SH3GL3: variants seen among roughly 807,000 people sequenced by gnomAD.
SH3GL3 encodes the protein endophilin-A3.
Under a neutral mutation model 47.7 loss-of-function variants are expected in SH3GL3, and 33 were observed. That is an observed-to-expected ratio of 0.69 (90% CI 0.52 to 0.92). The LOEUF (loss-of-function observed/expected upper bound fraction) is 0.92. Among genes scored for constraint, SH3GL3 ranks in the 40% least tolerant of loss-of-function variants. The probability of loss-of-function intolerance (pLI) is 0.00; values close to 1 mark genes in which losing one functional copy is unlikely to be tolerated. For missense variants in SH3GL3, 363 were observed against 417.8 expected (o/e 0.87, Z 1.14); for synonymous variants, 155 against 148.8 (o/e 1.04, Z -0.30).
At chr15:83,580,605 G>A (rs1208823757) in intron 6 of SH3GL3, among the ~76,000 whole-genome samples, 1 of 152,258 alleles carries the variant, frequency 6.6e-6, no homozygotes, top group Non-Finnish European at 1.5e-5. Flanking sequence ...TTTAACTGAT[G>A]AGAATGCTTG....
At chr15:83,619,664 A>G (rs1392628641), downstream of SH3GL3, among the ~76,000 whole-genome samples, 23 of 152,212 alleles carry the variant, frequency 1.5e-4, no homozygotes, top group Admixed American at 1.5e-3. Context: ...AAAATACTTT[A>G]CTACTAAAAA....
intron 1 of SH3GL3, among the ~76,000 whole-genome samples, chr15:83,506,772 TG>T (rs2042523166): frequency 6.6e-6 from 1 of 152,124 alleles, no homozygotes; most frequent in African/African-American, 2.4e-5. Flanking sequence ...TAAAATTTTT[TG>T]TTTCTGGTGT....
intron 1 of SH3GL3, among the ~76,000 whole-genome samples, chr15:83,475,044 A>G (rs2151541572): frequency 6.6e-6 from 1 of 151,980 alleles, no homozygotes; most frequent in Admixed American, 6.5e-5. Context: ...GTTATAAGGC[A>G]GATATAATCC....
At chr15:83,567,587 G>A (rs913732190) in intron 3 of SH3GL3, among the ~76,000 whole-genome samples, 6 of 152,222 alleles carry the variant, frequency 3.9e-5, no homozygotes, top group African/African-American at 1.4e-4. Context: ...CACAAGGCTA[G>A]TGTTCACTAG....
intron 3 of SH3GL3, chr15:83,565,559 C>T: frequency 4.8e-6 from 1 of 207,282 alleles, no homozygotes; most frequent in Non-Finnish European, 9.6e-6. Context: ...AAATTCTGCC[C>T]TTGTGTACTA....
intron 3 of SH3GL3, among the ~76,000 whole-genome samples, chr15:83,567,003 T>A (rs1274136469): frequency 6.6e-6 from 1 of 152,184 alleles, no homozygotes; most frequent in Non-Finnish European, 1.5e-5. Flanking sequence ...AGTACAAAAT[T>A]ATTAAAGTAG....
At chr15:83,546,788 C>G (rs941406707) in intron 1 of SH3GL3, among the ~76,000 whole-genome samples, 1 of 152,096 alleles carries the variant, frequency 6.6e-6, no homozygotes, top group African/African-American at 2.4e-5. Context: ...GACACTGGGT[C>G]CTTTCCTTCA....
intron 1 of SH3GL3, among the ~76,000 whole-genome samples, chr15:83,468,061 A>T (rs1013262644): frequency 1.3e-5 from 2 of 152,144 alleles, no homozygotes; most frequent in Admixed American, 6.5e-5. Context: ...CGATCTCCTG[A>T]CCTTGTGATC....
intron 8 of SH3GL3, among the ~76,000 whole-genome samples, chr15:83,616,485 G>A (rs1483136321): frequency 1.3e-5 from 2 of 151,848 alleles, no homozygotes; most frequent in African/African-American, 2.4e-5. Context: ...CTCGTGATCC[G>A]CCCGCCTCAG....
At chr15:83,586,942 G>A (rs1383640743) in intron 6 of SH3GL3, 41 bp from the exon 7 acceptor site, 5 of 1,113,304 alleles carry the variant, frequency 4.5e-6, no homozygotes, top group African/African-American at 1.5e-5. Context: ...ACATTACACA[G>A]GCTCGGGCCT....
Position 83,559,300 on chromosome 15 carries a change from T to C in SH3GL3, c.93T>C (p.Asp31=), listed in dbSNP as rs779686960. Reference sequence around the variant, plus strand: ...GTGCTGAAGGAACTAAACTAGACGATGAATTTCTTGACATGGAAAGGGTAA... The same window carrying C: ...GTGCTGAAGGAACTAAACTAGACGACGAATTTCTTGACATGGAAAGGGTAA... ...ISGAEGTKLD[D]EFLDMERKID... The change falls in exon 2 of 9, where the codon GAT becomes GAC. Residue 31 remains aspartate, a synonymous_variant. Transcript: ENST00000427482. 15 of 1,590,304 alleles carry C rather than the reference T, an allele frequency of 9.4e-6. No individual in the cohort carries two copies. The highest frequency in any genetic ancestry group is 1.1e-5 in the Non-Finnish European group (13 of 1,158,410).
At chr15:83,575,916 A>C (rs1245538015) in intron 5 of SH3GL3, among the ~76,000 whole-genome samples, 1 of 152,012 alleles carries the variant, frequency 6.6e-6, no homozygotes, top group Non-Finnish European at 1.5e-5. Flanking sequence ...GCTTGGACAC[A>C]AACTGTGATG....
chr15:83,511,590 A>T (rs1380010582), intron 1 of SH3GL3, among the ~76,000 whole-genome samples: 3 of 152,192 alleles, frequency 2.0e-5, no homozygotes, highest in Non-Finnish European at 4.4e-5. Context: ...ATACGGTAAT[A>T]ATAATAATCA....
intron 8 of SH3GL3, among the ~76,000 whole-genome samples, chr15:83,589,698 G>A (rs552420348): frequency 6.6e-6 from 1 of 152,232 alleles, no homozygotes; most frequent in African/African-American, 2.4e-5. Flanking sequence ...TTTTAAATGC[G>A]AGATTATACT....
chr15:83,522,236 C>T (rs1327382256), intron 1 of SH3GL3, among the ~76,000 whole-genome samples: 1 of 152,160 alleles, frequency 6.6e-6, no homozygotes, highest in African/African-American at 2.4e-5. Flanking sequence ...AGGACACCAA[C>T]ATTTTCAAAG....
chr15:83,457,477 G>A (rs996199668), intron 1 of SH3GL3, among the ~76,000 whole-genome samples: 5 of 152,188 alleles, frequency 3.3e-5, no homozygotes, highest in African/African-American at 1.2e-4. Context: ...AAATGATAAG[G>A]GGTCATGAGG....
At chr15:83,517,571 A>C (rs2043038350) in intron 1 of SH3GL3, among the ~76,000 whole-genome samples, 7 of 151,862 alleles carry the variant, frequency 4.6e-5, no homozygotes, top group Admixed American at 4.6e-4. Context: ...TCGTATATTT[A>C]TTGGTCATTT....
At chr15:83,506,407 CTT>C (rs899315743) in intron 1 of SH3GL3, among the ~76,000 whole-genome samples, 1 of 152,112 alleles carries the variant, frequency 6.6e-6, no homozygotes, top group African/African-American at 2.4e-5. Context: ...TGAGCTTTCT[CTT>C]TTGTTAATTG....
downstream of SH3GL3, among the ~76,000 whole-genome samples, chr15:83,619,314 A>G (rs1367420651): frequency 6.6e-6 from 1 of 152,228 alleles, no homozygotes; most frequent in African/African-American, 2.4e-5. Flanking sequence ...AAATATTGCA[A>G]TAAAACAAGT....
Sources: allele counts gnomAD v4.1 joint callset (sites outside exome capture counted in the v4.1 genomes callset), GRCh38; gene constraint gnomAD v4.1.1; transcripts MANE v1.5; gene names NCBI Gene and HGNC (gene_info 2026-07-23, HGNC 2026-07-21).